SLC25A28: variants seen among roughly 807,000 people sequenced by gnomAD.
SLC25A28 encodes the protein mitoferrin-2.
SLC25A28 carries 10 observed loss-of-function variants against 31.9 expected under a neutral mutation model. That is an observed-to-expected ratio of 0.31 (90% CI 0.19 to 0.53). The LOEUF (loss-of-function observed/expected upper bound fraction) is 0.53, where lower values mean the gene tolerates loss of function less well. Ranked by LOEUF, SLC25A28 falls within the 20% of genes least tolerant of loss-of-function variation. The pLI, the probability that SLC25A28 is intolerant of heterozygous loss-of-function variation, is 0.95. For missense variants in SLC25A28, 256 were observed against 490.3 expected (o/e 0.52, Z 4.51); for synonymous variants, 208 against 203.6 (o/e 1.02, Z -0.19).
the SLC25A28 span, among the ~76,000 whole-genome samples, chr10:99,632,839 T>C: frequency 6.6e-6 from 1 of 152,310 alleles, no homozygotes; most frequent in African/African-American, 2.4e-5. Context: ...TGGGACTAGG[T>C]CATATGTGAC....
the SLC25A28 span, among the ~76,000 whole-genome samples, chr10:99,640,714 G>T: frequency 3.4e-5 from 5 of 148,062 alleles, no homozygotes; most frequent in Admixed American, 6.8e-5. Context: ...ATCCCTCCCC[G>T]CTCCCGCCAC....
the SLC25A28 span, among the ~76,000 whole-genome samples, chr10:99,642,804 G>T: frequency 1.3e-5 from 2 of 151,810 alleles, no homozygotes; most frequent in African/African-American, 2.4e-5. Flanking sequence ...AAAGGCCTTT[G>T]CTGCATCTAT....
At chr10:99,647,061 C>A in the SLC25A28 span, among the ~76,000 whole-genome samples, 2 of 152,158 alleles carry the variant, frequency 1.3e-5, no homozygotes, top group African/African-American at 2.4e-5. Flanking sequence ...CTTAATCCAA[C>A]CTTCTGCTGA....
At chr10:99,648,876 C>T in the SLC25A28 span, among the ~76,000 whole-genome samples, 2 of 152,042 alleles carry the variant, frequency 1.3e-5, no homozygotes, top group Non-Finnish European at 2.9e-5. Context: ...AAAGGGTTTT[C>T]TAGATAGAAG....
the SLC25A28 span, among the ~76,000 whole-genome samples, chr10:99,658,766 G>A: frequency 8.8e-3 from 1,337 of 152,262 alleles, 9 homozygotes; most frequent in Admixed American, 0.013. Context: ...TGGACTTTAT[G>A]CCGTCCTCCT....
At chr10:99,626,456 TA>T in the SLC25A28 span, among the ~76,000 whole-genome samples, 6 of 152,266 alleles carry the variant, frequency 3.9e-5, no homozygotes, top group Non-Finnish European at 8.8e-5. Flanking sequence ...AATTCTTTCC[TA>T]AAATTCCTCT....
the SLC25A28 span, among the ~76,000 whole-genome samples, chr10:99,638,741 A>G: frequency 3.9e-4 from 60 of 152,330 alleles, 1 homozygote; most frequent in African/African-American, 1.3e-3. Flanking sequence ...ATGTGATACC[A>G]CCTTACTCCT....
chr10:99,613,442 A>G lies in SLC25A28; in HGVS notation c.520+254T>C, dbSNP rs190067054. Reference sequence around the variant, plus strand: ...AGGGCATTAGAAGTTGATGCCAGGGAGATGAGAGGAACAAGTCAAGCTGGT... The same window carrying G: ...AGGGCATTAGAAGTTGATGCCAGGGGGATGAGAGGAACAAGTCAAGCTGGT... On this transcript the variant is annotated intron_variant, in intron 2 of 3. Coordinates refer to ENST00000370495, the MANE Select transcript of SLC25A28 (RefSeq NM_031212.4). The surrounding 1 kb of genome is among the most constrained non-coding windows in gnomAD (Gnocchi z 4.9). 9.7e-3 allele frequency: 13,293 copies of G among 1,369,580 alleles called. 87 individuals carry two copies. Among genetic ancestry groups the G allele is most frequent in the Admixed American group, 0.011 (360 of 32,698 alleles). The allele number at this position is 1,369,580 out of a possible 1,614,324, so 84.8% of individuals were successfully genotyped here. A position where few individuals can be genotyped will look rare whatever the true frequency, so the allele number is the denominator to read the frequency against.
the SLC25A28 span, among the ~76,000 whole-genome samples, chr10:99,627,477 G>A: frequency 5.5e-5 from 8 of 146,240 alleles, no homozygotes; most frequent in African/African-American, 1.0e-4. Context: ...ATACTGCTCC[G>A]TCACCCAGGC....
chr10:99,615,762 G>C, intron 1 of SLC25A28: 1 of 985,400 alleles, frequency 1.0e-6, no homozygotes, highest in Non-Finnish European at 1.2e-6. Flanking sequence ...AATAAGCAAA[G>C]ATAAATTGAG....
upstream of SLC25A28, among the ~76,000 whole-genome samples, chr10:99,624,939 G>C (rs377499967): frequency 6.6e-6 from 1 of 152,062 alleles, no homozygotes; most frequent in Non-Finnish European, 1.5e-5. Flanking sequence ...ATGTTTTCTT[G>C]TATTCCAGTG....
In SLC25A28 at chr10:99,613,439, G is replaced by T; in HGVS notation, c.520+257C>A. On this transcript the variant is annotated intron_variant, in intron 2 of 3. Coordinates refer to ENST00000370495, the MANE Select transcript of SLC25A28 (RefSeq NM_031212.4). This position sits in a 1 kb window ranked among gnomAD's most constrained non-coding sequence, Gnocchi z 4.9. ...ACCAGGGCATTAGAAGTTGATGCCAGGGAGATGAGAGGAACAAGTCAAGCT... is the reference window on the plus strand; with the variant it reads ...ACCAGGGCATTAGAAGTTGATGCCATGGAGATGAGAGGAACAAGTCAAGCT... The T allele has an allele frequency of 7.3e-7, 1 of 1,366,748 alleles. No individual in the cohort carries two copies. 84.7% of individuals were successfully genotyped at this position (1,366,748 alleles called of 1,614,324 possible).
At chr10:99,651,700 C>G in the SLC25A28 span, among the ~76,000 whole-genome samples, 1 of 151,246 alleles carries the variant, frequency 6.6e-6, no homozygotes, top group South Asian at 2.1e-4. Context: ...ACATGATCCT[C>G]TCACCTCAGC....
At chr10:99,658,628 C>A in the SLC25A28 span, among the ~76,000 whole-genome samples, 1 of 152,022 alleles carries the variant, frequency 6.6e-6, no homozygotes, top group African/African-American at 2.4e-5. Context: ...TTATTCAAGG[C>A]AGGTGGAGGG....
Position 99,610,748 on chromosome 10 carries a change from T to A in SLC25A28, c.*101A>T. ...AATCCTGGGGGAGAGCCCCTCTACC[T>A]TCCTTCTAACTCCACTTGAGGTGGG... is the stretch of plus-strand genomic sequence containing the variant. On this transcript the variant is annotated 3_prime_UTR_variant, in exon 4 of 4. Coordinates refer to ENST00000370495, the MANE Select transcript of SLC25A28 (RefSeq NM_031212.4). 1 of 1,450,942 alleles carries A rather than the reference T, an allele frequency of 6.9e-7. No individual in the cohort carries two copies. The highest frequency in any genetic ancestry group is 9.3e-7 in the Non-Finnish European group (1 of 1,072,084). The allele number at this position is 1,450,942 out of a possible 1,614,324, so 89.9% of individuals were successfully genotyped here. A position where few individuals can be genotyped will look rare whatever the true frequency, so the allele number is the denominator to read the frequency against.
At chr10:99,650,310 T>C in the SLC25A28 span, among the ~76,000 whole-genome samples, 2 of 152,160 alleles carry the variant, frequency 1.3e-5, no homozygotes, top group Non-Finnish European at 2.9e-5. Context: ...CCTGGGTAAC[T>C]GGGACTATAG....
the SLC25A28 span, among the ~76,000 whole-genome samples, chr10:99,657,470 C>T: frequency 6.6e-6 from 1 of 151,824 alleles, no homozygotes; most frequent in African/African-American, 2.4e-5. Flanking sequence ...TAAAATATAA[C>T]ACTTGAAGCA....
Position 99,613,808 on chromosome 10 carries a change from G to A in SLC25A28, c.408C>T (p.Val136=). 1 of 1,614,240 alleles carries A rather than the reference G, an allele frequency of 6.2e-7. No individual in the cohort carries two copies. Among genetic ancestry groups the A allele is most frequent in the Non-Finnish European group, 8.5e-7 (1 of 1,180,048 alleles). The part of the protein sequence containing the change: ...GLWRPMRGLN[V]TATGAGPAHA... Reference sequence around the variant, plus strand: ...GGGCAGGCCCTGCGCCTGTTGCTGTGACGTTCAGCCCCCTCATGGGCCTCC... The same window carrying A: ...GGGCAGGCCCTGCGCCTGTTGCTGTAACGTTCAGCCCCCTCATGGGCCTCC... Residue 136 remains valine (V), a synonymous_variant, in exon 2 of 4, where the codon GTC becomes GTT. Coordinates refer to ENST00000370495, the MANE Select transcript of SLC25A28 (RefSeq NM_031212.4). The surrounding 1 kb of genome is among the most constrained non-coding windows in gnomAD (Gnocchi z 4.9).
the SLC25A28 span, among the ~76,000 whole-genome samples, chr10:99,639,093 A>C: frequency 6.6e-6 from 1 of 151,704 alleles, no homozygotes; most frequent in Non-Finnish European, 1.5e-5. Context: ...TATATTTCTC[A>C]ACATATATAA....
Sources: allele counts gnomAD v4.1 joint callset (sites outside exome capture counted in the v4.1 genomes callset), GRCh38; gene constraint gnomAD v4.1.1; non-coding constraint Gnocchi (gnomAD v3.1); transcripts MANE v1.5; gene names NCBI Gene and HGNC (gene_info 2026-07-23, HGNC 2026-07-21).